The following FIP1L1 variants were observed in gnomAD, a reference collection of about 807,000 sequenced individuals.
FIP1L1 encodes the protein pre-mRNA 3'-end-processing factor FIP1.
Under a neutral mutation model 84.6 loss-of-function variants are expected in FIP1L1, and 21 were observed. The ratio of observed to expected loss-of-function variants is 0.25; its 90% CI spans 0.18 to 0.36. The LOEUF (loss-of-function observed/expected upper bound fraction) is 0.36, where lower values mean the gene tolerates loss of function less well. Ranked by LOEUF, FIP1L1 falls within the 10% of genes least tolerant of loss-of-function variation. The probability of loss-of-function intolerance (pLI) is 1.00; values close to 1 mark genes in which losing one functional copy is unlikely to be tolerated. For missense variants in FIP1L1, 526 were observed against 751.1 expected, an observed-to-expected ratio of 0.70 and a Z score of 3.50; for synonymous variants, 263 against 242.3, an observed-to-expected ratio of 1.09 and a Z score of -0.80.
At chr4:53,444,000 C>T in intron 14 of FIP1L1, 48 bp from the exon 15 acceptor site, 1 of 1,353,132 alleles carries the variant, frequency 7.4e-7, no homozygotes, top group Non-Finnish European at 1.0e-6. Context: ...TATTAAAATT[C>T]AGAACTTATT....
intron 10 of FIP1L1, among the ~76,000 whole-genome samples, chr4:53,408,434 C>G (rs1338682424): frequency 6.6e-6 from 1 of 152,130 alleles, no homozygotes; most frequent in Non-Finnish European, 1.5e-5. Flanking sequence ...AACATTTTTT[C>G]CTTCATTTCA....
At chr4:53,391,283 T>A (rs1744130307) in intron 8 of FIP1L1, 144 bp downstream of exon 8, 2 of 1,190,332 alleles carry the variant, frequency 1.7e-6, no homozygotes, top group African/African-American at 3.1e-5. Context: ...TGTTTTTCCC[T>A]TCCCTCCCTT....
At chr4:53,427,075 C>T (rs1366790748) in intron 12 of FIP1L1, among the ~76,000 whole-genome samples, 1 of 152,032 alleles carries the variant, frequency 6.6e-6, no homozygotes, top group African/African-American at 2.4e-5. Flanking sequence ...GATGTTAGTC[C>T]ATTTTTCCTT....
chr4:53,446,732 T>C (rs1774346426), intron 15 of FIP1L1, among the ~76,000 whole-genome samples: 1 of 152,212 alleles, frequency 6.6e-6, no homozygotes, highest in Non-Finnish European at 1.5e-5. Context: ...TTTGTTTCAA[T>C]ACAGATAAAC....
At chr4:53,401,199 ATTATAC>A (rs1224875243) in intron 10 of FIP1L1, among the ~76,000 whole-genome samples, 5 of 152,310 alleles carry the variant, frequency 3.3e-5, no homozygotes, top group Non-Finnish European at 7.4e-5. Context: ...GATGTTTGCT[ATTATAC>A]TTAAACTATT....
chr4:53,383,768 T>C lies in FIP1L1; in HGVS notation c.229-5T>C. 1 of 1,602,932 alleles carries C rather than the reference T, an allele frequency of 6.2e-7. No individual in the cohort carries two copies. The highest frequency in any genetic ancestry group is 8.5e-7 in the Non-Finnish European group (1 of 1,171,688). On this transcript the variant is annotated splice_region_variant and splice_polypyrimidine_tract_variant and intron_variant, in intron 4 of 17. Coordinates refer to ENST00000337488, the MANE Select transcript of FIP1L1 (RefSeq NM_030917.4). Reference sequence around the variant, plus strand: ...GTATTTTATAATTTGTTTATGTTCATGTAGAAAGTGACTGAGACCGAAGAT... The same window carrying C: ...GTATTTTATAATTTGTTTATGTTCACGTAGAAAGTGACTGAGACCGAAGAT...
At chr4:53,442,120 A>G (rs1772201795) in intron 13 of FIP1L1, 1 of 152,680 alleles carries the variant, frequency 6.5e-6, no homozygotes, top group Non-Finnish European at 1.5e-5. Flanking sequence ...TTTCTTTGTA[A>G]AACAGTTTGT....
intron 10 of FIP1L1, among the ~76,000 whole-genome samples, 160 bp from the exon 11 acceptor site, chr4:53,414,455 C>T (rs1163022526): frequency 1.3e-5 from 2 of 151,082 alleles, no homozygotes; most frequent in African/African-American, 4.9e-5. Flanking sequence ...TATTTAAATA[C>T]TTAGTACCAC....
At chr4:53,379,962 A>G (rs1736917421) in intron 3 of FIP1L1, among the ~76,000 whole-genome samples, 1 of 152,220 alleles carries the variant, frequency 6.6e-6, no homozygotes, top group South Asian at 2.1e-4. Flanking sequence ...GAAGATATAC[A>G]ACTTCATACC....
At chr4:53,420,471 T>C (rs1447227346) in intron 11 of FIP1L1, among the ~76,000 whole-genome samples, 1 of 146,466 alleles carries the variant, frequency 6.8e-6, no homozygotes, top group African/African-American at 2.5e-5. Flanking sequence ...ACTCAGTGAG[T>C]GTCGGATCTC....
At chr4:53,429,704 G>A (rs1765744722) in intron 13 of FIP1L1, among the ~76,000 whole-genome samples, 2 of 151,940 alleles carry the variant, frequency 1.3e-5, no homozygotes, top group Admixed American at 6.5e-5. Flanking sequence ...AGTAATACTT[G>A]TATATGTTTA....
chr4:53,420,604 G>A (rs1056551462), intron 11 of FIP1L1, among the ~76,000 whole-genome samples: 7 of 151,980 alleles, frequency 4.6e-5, no homozygotes, highest in East Asian at 1.9e-4. Flanking sequence ...TTTTCTGGGC[G>A]GGATTTTTCA....
chr4:53,400,283 C>G (rs1316702010), intron 10 of FIP1L1, among the ~76,000 whole-genome samples: 1 of 152,156 alleles, frequency 6.6e-6, no homozygotes, highest in African/African-American at 2.4e-5. Flanking sequence ...AAAATTGGAA[C>G]CATTTGTTGT....
chr4:53,395,640 T>A (rs1746816404), intron 9 of FIP1L1, among the ~76,000 whole-genome samples: 1 of 152,184 alleles, frequency 6.6e-6, no homozygotes, highest in Admixed American at 6.5e-5. Context: ...TTAAGTTGAT[T>A]CCCAAAGACA....
At chr4:53,429,128 A>G (rs1319257811) in intron 13 of FIP1L1, among the ~76,000 whole-genome samples, 2 of 152,126 alleles carry the variant, frequency 1.3e-5, no homozygotes, top group Admixed American at 6.6e-5. Context: ...TTGGCCTCTA[A>G]ATGTCAGCCA....
intron 13 of FIP1L1, among the ~76,000 whole-genome samples, chr4:53,431,265 C>T (rs1766517417): frequency 6.6e-6 from 1 of 152,148 alleles, no homozygotes; most frequent in South Asian, 2.1e-4. Flanking sequence ...TTACCCTTTA[C>T]CACAGAACCA....
intron 10 of FIP1L1, 43 bp downstream of exon 10, chr4:53,399,882 A>G (rs1749348284): frequency 7.9e-7 from 1 of 1,265,710 alleles, no homozygotes; most frequent in Non-Finnish European, 1.1e-6. Flanking sequence ...CGACATTGGT[A>G]TCTTTACATT....
At chr4:53,415,814 A>G (rs937559439) in intron 11 of FIP1L1, among the ~76,000 whole-genome samples, 4 of 151,896 alleles carry the variant, frequency 2.6e-5, no homozygotes, top group African/African-American at 7.2e-5. Flanking sequence ...GTGGATATAC[A>G]TCTCAAAGTA....
intron 13 of FIP1L1, among the ~76,000 whole-genome samples, chr4:53,439,496 T>A (rs1343746937): frequency 2.0e-5 from 3 of 152,094 alleles, no homozygotes; most frequent in African/African-American, 7.2e-5. Context: ...AGAACATGTT[T>A]AGTGTTAGAA....
Sources: gnomAD v4.1 joint callset for allele counts (sites outside exome capture counted in the v4.1 genomes callset) on GRCh38, gnomAD v4.1.1 for gene constraint, MANE v1.5 for transcripts, NCBI Gene and HGNC (gene_info 2026-07-23, HGNC 2026-07-21) for gene names.